Variants in SCHIP1 observed in about 807,000 individuals in gnomAD.
The protein encoded by SCHIP1 is schwannomin-interacting protein 1.
SCHIP1 carries 8 observed loss-of-function variants against 29.7 expected under a neutral mutation model. That is an observed-to-expected ratio of 0.27 (90% CI 0.16 to 0.49). The LOEUF (loss-of-function observed/expected upper bound fraction) is 0.49. Ranked by LOEUF, SCHIP1 falls within the 20% of genes least tolerant of loss-of-function variation. The pLI is 0.99. For missense variants in SCHIP1, 193 were observed against 294.6 expected (o/e 0.66, Z 2.52); for synonymous variants, 76 against 94.9 (o/e 0.80, Z 1.16).
chr3:159,498,264 T>C, the SCHIP1 span, among the ~76,000 whole-genome samples: 4 of 152,346 alleles, frequency 2.6e-5, no homozygotes, highest in Non-Finnish European at 5.9e-5. Context: ...AAAGGGGAAG[T>C]AAACTCATTT....
At chr3:159,689,190 G>C in the SCHIP1 span, among the ~76,000 whole-genome samples, 6 of 152,216 alleles carry the variant, frequency 3.9e-5, no homozygotes, top group African/African-American at 9.7e-5. Context: ...ACTTTGGGCA[G>C]TATGGCCATT....
the SCHIP1 span, among the ~76,000 whole-genome samples, chr3:159,594,887 G>C: frequency 2.6e-5 from 4 of 152,132 alleles, no homozygotes; most frequent in East Asian, 7.7e-4. Context: ...TGGATCTGTA[G>C]AGATGAAAAC....
chr3:159,604,676 G>C, the SCHIP1 span, among the ~76,000 whole-genome samples: 4 of 152,274 alleles, frequency 2.6e-5, no homozygotes, highest in African/African-American at 7.2e-5. Flanking sequence ...ATCTACATTT[G>C]AAGTTGTTTC....
At chr3:159,648,814 C>G in the SCHIP1 span, among the ~76,000 whole-genome samples, 1 of 152,052 alleles carries the variant, frequency 6.6e-6, no homozygotes, top group Admixed American at 6.6e-5. Context: ...AGCTCTAGCT[C>G]TCAGTGGTCC....
chr3:159,616,413 T>C, the SCHIP1 span, among the ~76,000 whole-genome samples: 1 of 152,124 alleles, frequency 6.6e-6, no homozygotes, highest in African/African-American at 2.4e-5. Context: ...CAAGATGGCA[T>C]TCTGAGGCTT....
chr3:159,514,607 A>G, the SCHIP1 span, among the ~76,000 whole-genome samples: 2 of 152,196 alleles, frequency 1.3e-5, no homozygotes, highest in Non-Finnish European at 2.9e-5. Context: ...TTCTTTAGTC[A>G]CCAACCTTCT....
chr3:159,598,287 C>T, the SCHIP1 span, among the ~76,000 whole-genome samples: 1 of 152,148 alleles, frequency 6.6e-6, no homozygotes, highest in South Asian at 2.1e-4. Flanking sequence ...CCATTATTAA[C>T]CCAAAAGTCC....
the SCHIP1 span, among the ~76,000 whole-genome samples, chr3:159,708,767 C>T: frequency 6.6e-6 from 1 of 152,326 alleles, no homozygotes; most frequent in East Asian, 1.9e-4. Flanking sequence ...GGCAATGAAC[C>T]AAGTGACCTG....
At chr3:159,484,212 C>G in the SCHIP1 span, among the ~76,000 whole-genome samples, 1 of 152,194 alleles carries the variant, frequency 6.6e-6, no homozygotes, top group Non-Finnish European at 1.5e-5. Flanking sequence ...CCAGAACGTT[C>G]AACTAACCAG....
At chr3:159,480,715 G>T in the SCHIP1 span, among the ~76,000 whole-genome samples, 7 of 152,020 alleles carry the variant, frequency 4.6e-5, no homozygotes, top group Non-Finnish European at 8.8e-5. Context: ...CATTGTGAAG[G>T]TTTGACTCAT....
At chr3:159,597,819 G>GT in the SCHIP1 span, among the ~76,000 whole-genome samples, 1 of 152,136 alleles carries the variant, frequency 6.6e-6, no homozygotes, top group Non-Finnish European at 1.5e-5. Flanking sequence ...GATTGAATGT[G>GT]TATTAGCTCG....
chr3:159,653,318 G>A, the SCHIP1 span, among the ~76,000 whole-genome samples: 2 of 152,086 alleles, frequency 1.3e-5, no homozygotes, highest in African/African-American at 2.4e-5. Context: ...ATTTACAATA[G>A]CAAAGACTTG....
the SCHIP1 span, among the ~76,000 whole-genome samples, chr3:159,675,908 G>T: frequency 4.6e-5 from 7 of 151,984 alleles, no homozygotes; most frequent in African/African-American, 1.7e-4. Context: ...GAGGGGGGCG[G>T]ATCACCTGAG....
chr3:159,276,310 T>C, the SCHIP1 span, among the ~76,000 whole-genome samples: 2 of 152,190 alleles, frequency 1.3e-5, no homozygotes, highest in Non-Finnish European at 2.9e-5. Flanking sequence ...TGGTAGCTTC[T>C]TAGAGGGACA....
chr3:159,533,633 C>T, the SCHIP1 span, among the ~76,000 whole-genome samples: 204 of 152,248 alleles, frequency 1.3e-3, 1 homozygote, highest in African/African-American at 3.9e-3. Context: ...TCTGCCCCCC[C>T]ACATCTCTGT....
chr3:159,456,207 G>A, the SCHIP1 span, among the ~76,000 whole-genome samples: 2 of 152,232 alleles, frequency 1.3e-5, no homozygotes, highest in East Asian at 3.9e-4. Context: ...GAGTGATGTT[G>A]CCTTATGGTT....
the SCHIP1 span, among the ~76,000 whole-genome samples, chr3:159,577,884 T>C: frequency 6.6e-6 from 1 of 152,190 alleles, no homozygotes; most frequent in Non-Finnish European, 1.5e-5. Flanking sequence ...ATACTGATCA[T>C]TTGAGAAAGA....
At chr3:159,452,136 TC>T in the SCHIP1 span, among the ~76,000 whole-genome samples, 1 of 146,578 alleles carries the variant, frequency 6.8e-6, no homozygotes, top group Admixed American at 6.9e-5. Context: ...AAACATTTCT[TC>T]TTTTTTTTTT....
At chr3:159,463,288 G>A in the SCHIP1 span, among the ~76,000 whole-genome samples, 1 of 152,036 alleles carries the variant, frequency 6.6e-6, no homozygotes, top group Non-Finnish European at 1.5e-5. Flanking sequence ...TTTTGGGAAA[G>A]ATATCATCAA....
Sources: gnomAD v4.1 joint callset for allele counts (sites outside exome capture counted in the v4.1 genomes callset) on GRCh38, gnomAD v4.1.1 for gene constraint, MANE v1.5 for transcripts, NCBI Gene and HGNC (gene_info 2026-07-23, HGNC 2026-07-21) for gene names.